Variants in TMEM178B observed in about 807,000 individuals in gnomAD.
TMEM178B encodes the protein transmembrane protein 178B.
In TMEM178B, 5 loss-of-function variants were observed where a neutral mutation model predicts 31.0. The observed-to-expected ratio is 0.16, with a 90% CI of 0.08 to 0.34. TMEM178B has a LOEUF of 0.34. Ranked by LOEUF, TMEM178B falls within the 10% of genes least tolerant of loss-of-function variation. The pLI is 1.00. For synonymous variants in TMEM178B, 164 were observed against 164.0 expected (o/e 1.00, Z 0.00); for missense variants, 275 against 400.3 (o/e 0.69, Z 2.67).
At chr7:141,280,020 G>A (rs962470872) in intron 2 of TMEM178B, among the ~76,000 whole-genome samples, 5 of 152,238 alleles carry the variant, frequency 3.3e-5, no homozygotes, top group African/African-American at 1.2e-4. Flanking sequence ...GAGGGGCAAG[G>A]GTAGGGTAAG....
chr7:141,415,736 G>C (rs1196146200), intron 2 of TMEM178B, among the ~76,000 whole-genome samples: 3 of 152,186 alleles, frequency 2.0e-5, no homozygotes, highest in African/African-American at 7.2e-5. Flanking sequence ...GTCATCAATA[G>C]GGGATGTGCC....
At chr7:141,288,811 G>A (rs217013) in intron 2 of TMEM178B, among the ~76,000 whole-genome samples, 77,076 of 152,008 alleles carry the variant, frequency 0.51, 19,685 homozygotes, top group Admixed American at 0.55. Flanking sequence ...TTCTTGGCTT[G>A]TTCCTTACCT....
intron 2 of TMEM178B, among the ~76,000 whole-genome samples, chr7:141,375,223 CTA>C (rs1800192060): frequency 6.6e-6 from 1 of 152,064 alleles, no homozygotes; most frequent in Non-Finnish European, 1.5e-5. Context: ...TAAATTATGC[CTA>C]TGATTATATA....
intron 1 of TMEM178B, among the ~76,000 whole-genome samples, chr7:141,127,349 G>C (rs1020426430): frequency 6.6e-6 from 1 of 152,186 alleles, no homozygotes; most frequent in Non-Finnish European, 1.5e-5. Flanking sequence ...CCTAGAACCT[G>C]TGAAGGTGCT....
chr7:141,500,192 A>T, the TMEM178B span, among the ~76,000 whole-genome samples: 2 of 152,188 alleles, frequency 1.3e-5, no homozygotes, highest in Admixed American at 6.5e-5. Flanking sequence ...TGTGGCAGGC[A>T]CTATCATTGT....
chr7:141,096,157 G>A (rs1353293044), intron 1 of TMEM178B, among the ~76,000 whole-genome samples: 1 of 152,160 alleles, frequency 6.6e-6, no homozygotes, highest in Non-Finnish European at 1.5e-5. Flanking sequence ...TAGTATTCTA[G>A]TCATAGATAT....
intron 2 of TMEM178B, among the ~76,000 whole-genome samples, chr7:141,424,893 T>C (rs1185166160): frequency 6.6e-6 from 1 of 152,204 alleles, no homozygotes; most frequent in Non-Finnish European, 1.5e-5. Context: ...TGATTGAATG[T>C]CCAGTTCCCT....
intron 2 of TMEM178B, among the ~76,000 whole-genome samples, chr7:141,362,282 ATTTG>A (rs1192397229): frequency 4.6e-5 from 7 of 152,330 alleles, no homozygotes; most frequent in Admixed American, 4.6e-4. Flanking sequence ...CACCAGGGCC[ATTTG>A]CTGGGACAAA....
At chr7:141,168,178 G>C (rs980571768) in intron 1 of TMEM178B, among the ~76,000 whole-genome samples, 1 of 152,130 alleles carries the variant, frequency 6.6e-6, no homozygotes, top group Non-Finnish European at 1.5e-5. Context: ...CACCTACCTA[G>C]CTGGGTTGTC....
intron 2 of TMEM178B, among the ~76,000 whole-genome samples, chr7:141,427,525 C>T (rs1586952807): frequency 6.6e-6 from 1 of 152,158 alleles, no homozygotes; most frequent in African/African-American, 2.4e-5. Flanking sequence ...CAATTAGAAC[C>T]TTATCTCTCA....
At chr7:141,308,444 G>T (rs1401793473) in intron 2 of TMEM178B, among the ~76,000 whole-genome samples, 1 of 152,120 alleles carries the variant, frequency 6.6e-6, no homozygotes, top group East Asian at 1.9e-4. Context: ...TGTGCCCCAG[G>T]CTGGAGTACA....
intron 3 of TMEM178B, among the ~76,000 whole-genome samples, chr7:141,467,976 A>C (rs1308314901): frequency 1.3e-5 from 2 of 151,282 alleles, no homozygotes; most frequent in African/African-American, 4.8e-5. Flanking sequence ...TCTTTCAAAA[A>C]AAAAAAAAAA....
intron 2 of TMEM178B, among the ~76,000 whole-genome samples, chr7:141,256,090 C>T (rs1797923745): frequency 6.6e-6 from 1 of 152,116 alleles, no homozygotes; most frequent in South Asian, 2.1e-4. Context: ...CTCCCTCTGT[C>T]TATCTATTCA....
At chr7:141,341,342 G>A (rs776564921) in intron 2 of TMEM178B, among the ~76,000 whole-genome samples, 7 of 152,176 alleles carry the variant, frequency 4.6e-5, no homozygotes, top group Middle Eastern at 3.2e-3. Context: ...TTACTGAGCC[G>A]GGAAGGTGTG....
intron 2 of TMEM178B, among the ~76,000 whole-genome samples, chr7:141,215,337 A>ATTATTATTATTATTTTTTT (rs55726735): frequency 4.9e-5 from 7 of 141,482 alleles, no homozygotes; most frequent in Non-Finnish European, 4.6e-5. Context: ...TATTATTATT[A>ATTATTATTATTATTTTTTT]TTTTTTGAGA....
chr7:141,350,973 T>G (rs910332867), intron 2 of TMEM178B, among the ~76,000 whole-genome samples: 6 of 152,206 alleles, frequency 3.9e-5, no homozygotes, highest in Non-Finnish European at 7.3e-5. Context: ...CTAGAACACA[T>G]GACTTGCTCA....
At chr7:141,186,518 A>C (rs898248703) in intron 1 of TMEM178B, among the ~76,000 whole-genome samples, 2 of 151,852 alleles carry the variant, frequency 1.3e-5, no homozygotes, top group Non-Finnish European at 2.9e-5. Flanking sequence ...CATTTTATTT[A>C]TTTCATTTTA....
chr7:141,420,560 G>A (rs747878215), intron 2 of TMEM178B, among the ~76,000 whole-genome samples: 2 of 152,140 alleles, frequency 1.3e-5, no homozygotes, highest in Non-Finnish European at 2.9e-5. Flanking sequence ...AGGCACAGGG[G>A]AAAGGAGAGG....
intron 2 of TMEM178B, among the ~76,000 whole-genome samples, chr7:141,239,996 T>A (rs1455490269): frequency 6.6e-6 from 1 of 152,256 alleles, no homozygotes; most frequent in Non-Finnish European, 1.5e-5. Flanking sequence ...AATAACATAG[T>A]TTAACTTAAT....
Sources: gnomAD v4.1 joint callset for allele counts (sites outside exome capture counted in the v4.1 genomes callset) on GRCh38, gnomAD v4.1.1 for gene constraint, MANE v1.5 for transcripts, NCBI Gene and HGNC (gene_info 2026-07-23, HGNC 2026-07-21) for gene names.